Variants in KCNH1 observed in about 807,000 individuals in gnomAD.
KCNH1 encodes voltage-gated delayed rectifier potassium channel KCNH1.
In KCNH1, 27 loss-of-function variants were observed where a neutral mutation model predicts 69.2. The ratio of observed to expected loss-of-function variants is 0.39; its 90% CI spans 0.29 to 0.54. KCNH1 has a LOEUF of 0.54. KCNH1 is among the 20% of genes least tolerant of loss of function. The pLI, the probability that KCNH1 is intolerant of heterozygous loss-of-function variation, is 0.68. For missense variants in KCNH1, 798 were observed against 1,261.6 expected (o/e 0.63, Z 5.57); for synonymous variants, 456 against 487.7 (o/e 0.93, Z 0.86).
At chr1:210,893,229 G>A (rs180990343) in intron 7 of KCNH1, among the ~76,000 whole-genome samples, 1 of 152,256 alleles carries the variant, frequency 6.6e-6, no homozygotes, top group African/African-American at 2.4e-5. Flanking sequence ...GATTTTACAT[G>A]TCTAAGATAT....
chr1:210,708,110 A>C (rs572874111), intron 10 of KCNH1, among the ~76,000 whole-genome samples: 1 of 152,286 alleles, frequency 6.6e-6, no homozygotes, highest in South Asian at 2.1e-4. Flanking sequence ...TTCTCCAAGC[A>C]AAGAAGGAAT....
At chr1:210,894,627 C>A (rs1213656163) in intron 7 of KCNH1, among the ~76,000 whole-genome samples, 2 of 152,126 alleles carry the variant, frequency 1.3e-5, no homozygotes. Flanking sequence ...AAAACGTAAT[C>A]CCTCTGCCCT....
intron 3 of KCNH1, among the ~76,000 whole-genome samples, chr1:211,100,589 G>T (rs1691239623): frequency 6.6e-6 from 1 of 152,126 alleles, no homozygotes; most frequent in African/African-American, 2.4e-5. Flanking sequence ...GACATCAAAT[G>T]ATCCACCCAC....
chr1:210,765,495 A>G (rs1217474505), intron 10 of KCNH1, among the ~76,000 whole-genome samples: 4 of 152,176 alleles, frequency 2.6e-5, no homozygotes, highest in Non-Finnish European at 5.9e-5. Flanking sequence ...ATCAGAAGCA[A>G]ATTATTTAAC....
intron 6 of KCNH1, among the ~76,000 whole-genome samples, chr1:210,989,404 G>T (rs1239943670): frequency 6.6e-6 from 1 of 152,138 alleles, no homozygotes; most frequent in Admixed American, 6.6e-5. Context: ...TCCTCAGCTG[G>T]GATATACGCA....
chr1:210,682,941 G>C lies in KCNH1; in HGVS notation c.*340C>G. On this transcript the variant is annotated 3_prime_UTR_variant, in exon 11 of 11. Transcript: ENST00000271751. ...CTCGGCACTTTCCCACCAGTCCCCA[G>C]ATGGCTGCTGCTCTGTTCTGGTAGT... 3.7e-6 allele frequency: 1 copy of C among 269,830 alleles called. No individual in the cohort carries two copies. The highest frequency in any genetic ancestry group is 7.0e-6 in the Non-Finnish European group (1 of 141,880). The allele number at this position is 269,830 out of a possible 1,614,324, so 16.7% of individuals were successfully genotyped here.
rs188846709 is a variant in KCNH1, at chr1:210,963,805, C to T, written c.1033-43736G>A. Among the ~76,000 whole-genome samples, 851 of 152,138 alleles carry T rather than the reference C, an allele frequency of 5.6e-3. 11 individuals are homozygous for T. The highest frequency in any genetic ancestry group is 0.019 in the African/African-American group (807 of 41,522). On this transcript the variant is annotated intron_variant, in intron 6 of 10. Coordinates refer to ENST00000271751, the MANE Select transcript of KCNH1 (RefSeq NM_172362.3). ...TATGGGAATATGTGAAAAGACCAAA[C>T]CTACATTTGATTGGTGTACCAGAAA...
intron 1 of KCNH1, among the ~76,000 whole-genome samples, chr1:211,107,623 T>C (rs1230284765): frequency 6.7e-6 from 1 of 149,756 alleles, no homozygotes; most frequent in Non-Finnish European, 1.5e-5. Flanking sequence ...GAAAGCATAC[T>C]TAACCAACCA....
At chr1:210,974,998 A>AGGT (rs1688577847) in intron 6 of KCNH1, among the ~76,000 whole-genome samples, 6 of 152,162 alleles carry the variant, frequency 3.9e-5, no homozygotes, top group African/African-American at 1.4e-4. Context: ...AGAAAAAATG[A>AGGT]TAAAAAGATA....
chr1:210,842,028 G>A (rs1195860219), intron 7 of KCNH1, among the ~76,000 whole-genome samples: 4 of 152,068 alleles, frequency 2.6e-5, no homozygotes, highest in Admixed American at 1.3e-4. Flanking sequence ...CCCATTGAGT[G>A]CTCTCATTCC....
At chr1:210,723,037 A>C (rs1025738679) in intron 10 of KCNH1, among the ~76,000 whole-genome samples, 1 of 152,172 alleles carries the variant, frequency 6.6e-6, no homozygotes, top group Non-Finnish European at 1.5e-5. Context: ...CAGACTTCTG[A>C]AGGGCACACA....
intron 6 of KCNH1, among the ~76,000 whole-genome samples, chr1:211,006,389 ACTCAAAAGCATTCCTGAATCT>A (rs1410186137): frequency 1.3e-5 from 2 of 152,222 alleles, no homozygotes; most frequent in African/African-American, 4.8e-5. Context: ...CTACTGATGG[ACTCAAAAGCATTCCTGAATCT>A]CTCAAAAGCA....
At chr1:211,010,609 C>T (rs1571576002) in intron 6 of KCNH1, among the ~76,000 whole-genome samples, 1 of 152,098 alleles carries the variant, frequency 6.6e-6, no homozygotes, top group East Asian at 1.9e-4. Flanking sequence ...CAGACTAAAC[C>T]TAGTCATCTC....
chr1:210,879,865 AT>A (rs1042531097), intron 7 of KCNH1, among the ~76,000 whole-genome samples: 3 of 152,160 alleles, frequency 2.0e-5, no homozygotes, highest in Admixed American at 6.6e-5. Flanking sequence ...TGACAAAAAA[AT>A]CTTTTGGAAT....
In KCNH1 at chr1:210,988,423, T is replaced by C. The variant is rs1011434886; in HGVS notation, c.1032+30360A>G. Among the ~76,000 whole-genome samples the C allele has an allele frequency of 2.0e-5, 3 of 152,208 alleles. No homozygotes were observed. In the South Asian group the frequency reaches 6.2e-4, roughly 32 times the overall value. ...GCTGTTCCTATTCAGCCATCTTGGC[T>C]CCTCCCCCTATGCGAGAATACTTAA... On this transcript the variant is annotated intron_variant, in intron 6 of 10. Transcript: ENST00000271751.
intron 10 of KCNH1, among the ~76,000 whole-genome samples, chr1:210,723,269 G>T (rs1285846538): frequency 6.6e-6 from 1 of 151,972 alleles, no homozygotes; most frequent in East Asian, 1.9e-4. Flanking sequence ...GAGTAAAATT[G>T]GGCTTCTCTC....
intron 10 of KCNH1, among the ~76,000 whole-genome samples, chr1:210,716,978 A>C (rs1210022708): frequency 6.6e-6 from 1 of 152,188 alleles, no homozygotes; most frequent in Non-Finnish European, 1.5e-5. Flanking sequence ...AAGTTGACTG[A>C]TCAGTTTATA....
At chr1:210,778,944 T>C (rs930622283) in intron 9 of KCNH1, among the ~76,000 whole-genome samples, 3 of 151,652 alleles carry the variant, frequency 2.0e-5, no homozygotes, top group African/African-American at 4.8e-5. Context: ...GGGCATGTAA[T>C]TACCCATATA....
chr1:210,735,939 T>C (rs950473352), intron 10 of KCNH1, among the ~76,000 whole-genome samples: 2 of 152,236 alleles, frequency 1.3e-5, no homozygotes, highest in Non-Finnish European at 2.9e-5. Context: ...CAAGATTTTA[T>C]ATTTTTTCAT....
Sources: gnomAD v4.1 joint callset for allele counts (sites outside exome capture counted in the v4.1 genomes callset) on GRCh38, gnomAD v4.1.1 for gene constraint, MANE v1.5 for transcripts, NCBI Gene and HGNC (gene_info 2026-07-23, HGNC 2026-07-21) for gene names.